Variants in GPC5 observed in about 807,000 individuals in gnomAD.
The protein encoded by GPC5 is glypican-5.
A neutral mutation model predicts 53.9 loss-of-function variants in GPC5; 47 were observed. The ratio of observed to expected loss-of-function variants is 0.87; its 90% confidence interval spans 0.69 to 1.11. The LOEUF (loss-of-function observed/expected upper bound fraction) is 1.11. Among genes scored for constraint, GPC5 ranks in the 50% most tolerant of loss-of-function variants. The probability of loss-of-function intolerance (pLI) is 0.00; values close to 1 mark genes in which losing one functional copy is unlikely to be tolerated. For synonymous variants in GPC5, 286 were observed against 263.3 expected (o/e 1.09, Z -0.84); for missense variants, 748 against 713.1 (o/e 1.05, Z -0.56).
intron 7 of GPC5, among the ~76,000 whole-genome samples, chr13:92,263,656 G>C (rs954416958): frequency 3.9e-5 from 6 of 151,996 alleles, no homozygotes; most frequent in Admixed American, 2.0e-4. Flanking sequence ...TACTGACAAA[G>C]GTATTTATTA....
At chr13:92,743,628 T>C (rs954064037) in intron 7 of GPC5, among the ~76,000 whole-genome samples, 5 of 152,114 alleles carry the variant, frequency 3.3e-5, no homozygotes, top group Middle Eastern at 3.2e-3. Context: ...CTATGTTGAA[T>C]AGGAGTGGTG....
intron 5 of GPC5, among the ~76,000 whole-genome samples, chr13:91,841,729 G>A (rs1281233907): frequency 6.6e-6 from 1 of 152,078 alleles, no homozygotes; most frequent in African/African-American, 2.4e-5. Context: ...AGGGAAATAA[G>A]AACAGAAGAA....
intron 7 of GPC5, among the ~76,000 whole-genome samples, chr13:92,352,661 T>C (rs2043489002): frequency 6.6e-6 from 1 of 152,236 alleles, no homozygotes; most frequent in Admixed American, 6.5e-5. Flanking sequence ...GATGCCATTT[T>C]CCACCTATTG....
intron 7 of GPC5, among the ~76,000 whole-genome samples, chr13:92,257,546 A>ATTTTTTTTTTTTTTTTT (rs398023955): frequency 0.015 from 1,106 of 72,894 alleles, 293 homozygotes; most frequent in African/African-American, 0.041. Flanking sequence ...TAATACAGGG[A>ATTTTTTTTTTTTTTTTT]TTTTTTTTTT....
At chr13:91,675,444 A>G (rs2035360381) in intron 2 of GPC5, among the ~76,000 whole-genome samples, 1 of 152,224 alleles carries the variant, frequency 6.6e-6, no homozygotes, top group African/African-American at 2.4e-5. Context: ...AAAACCAATT[A>G]TTACAAACCT....
At chr13:92,233,471 T>C (rs1025885238) in intron 7 of GPC5, among the ~76,000 whole-genome samples, 3 of 152,298 alleles carry the variant, frequency 2.0e-5, no homozygotes, top group Admixed American at 6.5e-5. Flanking sequence ...ACAAATAAGC[T>C]GTTGGGGAGA....
intron 7 of GPC5, among the ~76,000 whole-genome samples, chr13:92,530,730 C>G (rs529948047): frequency 6.6e-6 from 1 of 152,284 alleles, no homozygotes. Context: ...TTCACACCCT[C>G]ACGTGTGAAT....
chr13:92,801,583 T>C (rs1876910946), intron 7 of GPC5, among the ~76,000 whole-genome samples: 1 of 151,806 alleles, frequency 6.6e-6, no homozygotes, highest in African/African-American at 2.4e-5. Flanking sequence ...TCAGGAGTTA[T>C]TCCAGAAGAG....
At chr13:91,626,124 T>C (rs186588316) in intron 2 of GPC5, among the ~76,000 whole-genome samples, 86 of 152,278 alleles carry the variant, frequency 5.6e-4, no homozygotes, top group African/African-American at 2.0e-3. Context: ...GTTTTTCTTT[T>C]TTACCTAAAA....
chr13:92,836,705 A>G (rs924842556), intron 7 of GPC5, among the ~76,000 whole-genome samples: 6 of 152,126 alleles, frequency 3.9e-5, no homozygotes, highest in Admixed American at 6.5e-5. Context: ...ATAATTTTTA[A>G]TGATATATAT....
At chr13:92,065,343 T>G (rs2041159600) in intron 6 of GPC5, among the ~76,000 whole-genome samples, 2 of 152,176 alleles carry the variant, frequency 1.3e-5, no homozygotes, top group Non-Finnish European at 2.9e-5. Flanking sequence ...CTTCCCTGAC[T>G]GCAGGGGTTG....
chr13:92,195,303 G>A (rs924348104), intron 7 of GPC5, among the ~76,000 whole-genome samples: 1 of 152,038 alleles, frequency 6.6e-6, no homozygotes, highest in Non-Finnish European at 1.5e-5. Flanking sequence ...ATCAGCGTCT[G>A]GTATTATAAA....
intron 5 of GPC5, among the ~76,000 whole-genome samples, chr13:91,852,028 G>T (rs1329422805): frequency 6.6e-6 from 1 of 151,346 alleles, no homozygotes; most frequent in Non-Finnish European, 1.5e-5. Flanking sequence ...TAATGGGATG[G>T]CTGGGTCAAA....
chr13:92,404,072 A>T (rs1042798434), intron 7 of GPC5, among the ~76,000 whole-genome samples: 6 of 152,194 alleles, frequency 3.9e-5, no homozygotes, highest in Admixed American at 3.9e-4. Context: ...CTTGTCCAAT[A>T]TTCATAATGT....
rs528520865 is a variant in GPC5 at position 91,531,019 on chromosome 13, T to C, written c.325+82097T>C. Among the ~76,000 whole-genome samples, 175 of 152,320 alleles carry C rather than the reference T, an allele frequency of 1.1e-3. 1 individual carries two copies. Among genetic ancestry groups the C allele is most frequent in the African/African-American group, 4.1e-3 (169 of 41,572 alleles). ...AATTGCTCTTTCTTACTGCCAATAT[T>C]GAATTCTCTTACGTTGTACCCACTT... On this transcript the variant is annotated intron_variant, in intron 2 of 7. Coordinates refer to ENST00000377067, the MANE Select transcript of GPC5 (RefSeq NM_004466.6).
chr13:92,052,953 G>T (rs1014039220), intron 6 of GPC5, among the ~76,000 whole-genome samples: 2 of 152,214 alleles, frequency 1.3e-5, no homozygotes, highest in South Asian at 2.1e-4. Flanking sequence ...CCCCTCCTAG[G>T]TTTCCAGCTT....
intron 7 of GPC5, among the ~76,000 whole-genome samples, chr13:92,796,514 G>A (rs545277918): frequency 6.6e-6 from 1 of 151,772 alleles, no homozygotes; most frequent in East Asian, 2.0e-4. Flanking sequence ...AATTTAAAAA[G>A]CAGGGGAGCT....
chr13:92,021,585 T>C (rs1439771537), intron 6 of GPC5, among the ~76,000 whole-genome samples: 1 of 152,240 alleles, frequency 6.6e-6, no homozygotes, highest in Non-Finnish European at 1.5e-5. Flanking sequence ...TAATGCGTTG[T>C]CCACTTAAAC....
intron 7 of GPC5, among the ~76,000 whole-genome samples, chr13:92,271,780 G>T (rs2042841536): frequency 6.6e-6 from 1 of 152,142 alleles, no homozygotes; most frequent in Non-Finnish European, 1.5e-5. Flanking sequence ...TAGTGTATGT[G>T]ACTAGGTAAG....
Sources: allele counts gnomAD v4.1 joint callset (sites outside exome capture counted in the v4.1 genomes callset), GRCh38; gene constraint gnomAD v4.1.1; transcripts MANE v1.5; gene names NCBI Gene and HGNC (gene_info 2026-07-23, HGNC 2026-07-21).